SMYD3: variants seen among roughly 807,000 people sequenced by gnomAD.
The protein encoded by SMYD3 is histone-lysine N-methyltransferase SMYD3.
In SMYD3, 36 loss-of-function variants were observed where a neutral mutation model predicts 57.7. That is an observed-to-expected ratio of 0.62 (90% CI 0.48 to 0.82). SMYD3 has a LOEUF of 0.82. SMYD3 is among the 40% of genes least tolerant of loss of function. The pLI is 0.00. For missense variants in SMYD3, 515 were observed against 538.8 expected (o/e 0.96, Z 0.44); for synonymous variants, 211 against 195.0 (o/e 1.08, Z -0.68).
At chr1:246,261,685 A>G (rs780717662) in intron 5 of SMYD3, among the ~76,000 whole-genome samples, 3 of 140,402 alleles carry the variant, frequency 2.1e-5, no homozygotes, top group Non-Finnish European at 4.5e-5. Context: ...TTATACTTCA[A>G]AAAAAAACAG....
chr1:245,751,561 A>G (rs1346153832), intron 11 of SMYD3, among the ~76,000 whole-genome samples: 28 of 149,470 alleles, frequency 1.9e-4, no homozygotes, highest in African/African-American at 6.6e-4. Context: ...AGAGACAGAG[A>G]GACAGAGAGA....
At chr1:246,200,116 C>CATCCACT (rs1226416801) in intron 5 of SMYD3, among the ~76,000 whole-genome samples, 16 of 2,678 alleles carry the variant, frequency 6.0e-3, no homozygotes, top group Non-Finnish European at 8.6e-3. Context: ...TGTACACAGA[C>CATCCACT]GTCCACTGTA....
chr1:245,873,477 T>C (rs145047699), intron 8 of SMYD3, among the ~76,000 whole-genome samples: 3 of 152,238 alleles, frequency 2.0e-5, no homozygotes, highest in Admixed American at 6.5e-5. Flanking sequence ...TACAGGAAAA[T>C]TGTTCTCCTG....
At chr1:246,325,640 A>G (rs1048351000) in intron 5 of SMYD3, among the ~76,000 whole-genome samples, 15 of 152,218 alleles carry the variant, frequency 9.9e-5, no homozygotes, top group African/African-American at 3.6e-4. Flanking sequence ...TAAAATCTTC[A>G]GAAAGAAAGA....
chr1:246,057,404 C>T (rs2060170353), intron 5 of SMYD3, among the ~76,000 whole-genome samples: 1 of 152,154 alleles, frequency 6.6e-6, no homozygotes, highest in Non-Finnish European at 1.5e-5. Flanking sequence ...TCCTCCCTCC[C>T]ACTCTCTCTC....
At chr1:246,438,795 G>A (rs2067419518) in intron 1 of SMYD3, among the ~76,000 whole-genome samples, 1 of 151,324 alleles carries the variant, frequency 6.6e-6, no homozygotes, top group Non-Finnish European at 1.5e-5. Flanking sequence ...CCGATCATCA[G>A]GCATTACTTT....
chr1:245,936,917 G>A (rs749095373), intron 5 of SMYD3, among the ~76,000 whole-genome samples: 26 of 152,008 alleles, frequency 1.7e-4, no homozygotes, highest in South Asian at 6.2e-4. Context: ...TAAACCATGC[G>A]ATATCACGTG....
At chr1:246,405,541 T>C (rs559041566) in intron 1 of SMYD3, among the ~76,000 whole-genome samples, 2 of 152,298 alleles carry the variant, frequency 1.3e-5, no homozygotes, top group South Asian at 4.1e-4. Flanking sequence ...GTCCACAGGC[T>C]TCCAGGGTTG....
chr1:246,072,909 C>T (rs1395700078), intron 5 of SMYD3, among the ~76,000 whole-genome samples: 2 of 152,204 alleles, frequency 1.3e-5, no homozygotes, highest in African/African-American at 2.4e-5. Flanking sequence ...AACACTGAAA[C>T]TTCTTCCATA....
At chr1:245,790,480 C>T (rs546250868) in intron 10 of SMYD3, among the ~76,000 whole-genome samples, 7 of 152,198 alleles carry the variant, frequency 4.6e-5, no homozygotes, top group Non-Finnish European at 8.8e-5. Flanking sequence ...CAAAGCTTTT[C>T]GAGGGCAGCA....
In SMYD3 at chr1:246,246,027, T is replaced by G. The variant is rs779565550; in HGVS notation, c.531+81174A>C. Reference sequence around the variant, plus strand: ...ATCATTTATTTACTTATTTTTCATTTGGTTTTCATGAAATACTTGTTCCAG... The same window carrying G: ...ATCATTTATTTACTTATTTTTCATTGGGTTTTCATGAAATACTTGTTCCAG... On this transcript the variant is annotated intron_variant, in intron 5 of 11. Coordinates refer to ENST00000490107, the MANE Select transcript of SMYD3 (RefSeq NM_001167740.2). Among the ~76,000 whole-genome samples the G allele has an allele frequency of 1.5e-4, 23 of 152,356 alleles. 1 individual carries two copies. The highest frequency in any genetic ancestry group is 2.9e-4 in the Non-Finnish European group (20 of 68,022).
chr1:246,470,397 G>A (rs1304978284), intron 1 of SMYD3, among the ~76,000 whole-genome samples: 4 of 151,776 alleles, frequency 2.6e-5, no homozygotes, highest in South Asian at 2.1e-4. Context: ...TCAGGAGGCC[G>A]AGGCAGGAGA....
chr1:245,996,070 T>C (rs539325184), intron 5 of SMYD3, among the ~76,000 whole-genome samples: 1 of 152,360 alleles, frequency 6.6e-6, no homozygotes, highest in East Asian at 1.9e-4. Context: ...ACACCTAAAA[T>C]CCTCCTGGCA....
At chr1:245,960,001 A>G (rs2057958523) in intron 5 of SMYD3, among the ~76,000 whole-genome samples, 1 of 152,112 alleles carries the variant, frequency 6.6e-6, no homozygotes, top group South Asian at 2.1e-4. Flanking sequence ...GCTGCTCTCA[A>G]ACTCGTGACT....
intron 1 of SMYD3, among the ~76,000 whole-genome samples, chr1:246,368,223 G>A (rs1423171393): frequency 6.6e-6 from 1 of 152,208 alleles, no homozygotes; most frequent in Non-Finnish European, 1.5e-5. Context: ...GAAGTGGGGC[G>A]TGAAATTAAT....
chr1:246,426,697 T>G (rs2067223683), intron 1 of SMYD3, among the ~76,000 whole-genome samples: 1 of 152,222 alleles, frequency 6.6e-6, no homozygotes, highest in Non-Finnish European at 1.5e-5. Context: ...TTGTTAATAC[T>G]GCCAGTACAA....
intron 1 of SMYD3, among the ~76,000 whole-genome samples, chr1:246,393,991 T>C (rs2148773017): frequency 6.6e-6 from 1 of 152,330 alleles, no homozygotes; most frequent in Admixed American, 6.5e-5. Flanking sequence ...ATGAATTCCA[T>C]CTTTCTTAGC....
chr1:245,854,236 A>G (rs1370677595), intron 10 of SMYD3, among the ~76,000 whole-genome samples: 1 of 152,126 alleles, frequency 6.6e-6, no homozygotes, highest in African/African-American at 2.4e-5. Context: ...AAAGAGTGAC[A>G]TTTTAGTGTG....
At chr1:245,938,938 G>T (rs1006952660) in intron 5 of SMYD3, among the ~76,000 whole-genome samples, 2 of 152,016 alleles carry the variant, frequency 1.3e-5, no homozygotes, top group African/African-American at 4.8e-5. Flanking sequence ...AAGAAAAGAG[G>T]AGTTCAAGAC....
Sources: allele counts gnomAD v4.1 joint callset (sites outside exome capture counted in the v4.1 genomes callset), GRCh38; gene constraint gnomAD v4.1.1; transcripts MANE v1.5; gene names NCBI Gene and HGNC (gene_info 2026-07-23, HGNC 2026-07-21).